Variants in JAK1 observed in about 807,000 individuals in gnomAD.
JAK1 encodes Janus kinase 1, also known as tyrosine-protein kinase JAK1.
A neutral mutation model predicts 136.6 loss-of-function variants in JAK1; 16 were observed. The ratio of observed to expected loss-of-function variants is 0.12; its 90% confidence interval spans 0.08 to 0.18. JAK1 has a LOEUF of 0.18. JAK1 is among the 10% of genes least tolerant of loss of function. JAK1 has a pLI of 1.00. For synonymous variants in JAK1, 492 were observed against 519.5 expected, an observed-to-expected ratio of 0.95 and a Z score of 0.72; for missense variants, 859 against 1,450.1, an observed-to-expected ratio of 0.59 and a Z score of 6.62.
Position 64,866,856 on chromosome 1 carries a change from A to C in JAK1, c.990+10T>G. The C allele has an allele frequency of 6.3e-7, 1 of 1,593,356 alleles. No individual in the cohort carries two copies. The highest frequency in any genetic ancestry group is 1.3e-5 in the African/African-American group (1 of 74,566). On this transcript the variant is annotated intron_variant, in intron 7 of 24. Transcript: ENST00000342505. ...ATGTTCTCTTTGATCGACTGCCAACAGCCACTTACATTTGGTTTATGCCTC... is the reference window on the plus strand; with the variant it reads ...ATGTTCTCTTTGATCGACTGCCAACCGCCACTTACATTTGGTTTATGCCTC...
chr1:65,021,516 C>T (rs1359864199), intron 2 of JAK1, among the ~76,000 whole-genome samples: 3 of 152,080 alleles, frequency 2.0e-5, no homozygotes, highest in South Asian at 2.1e-4. Flanking sequence ...ACCCAAACTT[C>T]GTTGCGTGTA....
chr1:64,928,072 G>A (rs1190303350), intron 1 of JAK1, among the ~76,000 whole-genome samples: 1 of 152,170 alleles, frequency 6.6e-6, no homozygotes, highest in Non-Finnish European at 1.5e-5. Flanking sequence ...TCTACCATGG[G>A]AGTTTAATGG....
At chr1:64,867,250 G>T (rs777804917) in intron 6 of JAK1, 42 bp from the exon 7 acceptor site, 3 of 1,396,746 alleles carry the variant, frequency 2.1e-6, no homozygotes, top group Non-Finnish European at 2.9e-6. Flanking sequence ...TCATGTACAG[G>T]TTAGGAGAAA....
At chr1:65,039,145 A>C (rs773823664) in intron 2 of JAK1, among the ~76,000 whole-genome samples, 2 of 152,322 alleles carry the variant, frequency 1.3e-5, no homozygotes, top group South Asian at 4.1e-4. Context: ...TTGAGATAAT[A>C]GATGGGAAAG....
intron 1 of JAK1, among the ~76,000 whole-genome samples, chr1:64,951,643 T>G (rs1646088925): frequency 7.0e-6 from 1 of 143,522 alleles, no homozygotes; most frequent in Non-Finnish European, 1.5e-5. Context: ...TATAAACAAG[T>G]TCTGCCTTTT....
intron 2 of JAK1, among the ~76,000 whole-genome samples, chr1:65,010,905 G>T (rs1050333525): frequency 6.6e-6 from 1 of 152,098 alleles, no homozygotes; most frequent in Admixed American, 6.6e-5. Flanking sequence ...CCACTTCAAG[G>T]CCATCCAGCC....
chr1:64,932,470 C>T (rs1014104195), intron 1 of JAK1, among the ~76,000 whole-genome samples: 1 of 151,906 alleles, frequency 6.6e-6, no homozygotes, highest in African/African-American at 2.4e-5. Flanking sequence ...AGTAATTAAC[C>T]AAAGGTAATC....
chr1:64,940,984 G>A (rs1021328013), intron 1 of JAK1, among the ~76,000 whole-genome samples: 1 of 152,010 alleles, frequency 6.6e-6, no homozygotes, highest in Admixed American at 6.6e-5. Flanking sequence ...GAGCAACATG[G>A]CAAAACCCTG....
intron 2 of JAK1, among the ~76,000 whole-genome samples, chr1:64,982,594 G>C (rs1387013144): frequency 6.6e-6 from 1 of 152,186 alleles, no homozygotes; most frequent in Admixed American, 6.6e-5. Context: ...ACTCTCCCCA[G>C]TCCCTTAATG....
rs909577767 is a variant in JAK1 at position 64,845,506 on chromosome 1, T to C, written c.2115+7A>G. ...TGGGACCATTATGGACATCAGGACATTCTCACCAAGTAGCTCAGGGCACTG... is the reference window on the plus strand; with the variant it reads ...TGGGACCATTATGGACATCAGGACACTCTCACCAAGTAGCTCAGGGCACTG... On this transcript the variant is annotated splice_region_variant and intron_variant, in intron 15 of 24. Transcript: ENST00000342505. The C allele has an allele frequency of 3.1e-6, 5 of 1,613,988 alleles. No homozygotes were observed. The highest frequency in any genetic ancestry group is 2.2e-5 in the South Asian group (2 of 91,086).
intron 2 of JAK1, among the ~76,000 whole-genome samples, chr1:65,031,561 A>C (rs1234340497): frequency 6.6e-6 from 1 of 152,210 alleles, no homozygotes; most frequent in Non-Finnish European, 1.5e-5. Context: ...AAACAACTAC[A>C]AAAAGACATT....
At chr1:65,023,790 C>G (rs898086119) in intron 2 of JAK1, among the ~76,000 whole-genome samples, 3 of 152,054 alleles carry the variant, frequency 2.0e-5, no homozygotes, top group East Asian at 3.9e-4. Context: ...GCTGAGGGAA[C>G]CACTTTCTAA....
At chr1:65,033,232 C>A (rs1647038776) in intron 2 of JAK1, among the ~76,000 whole-genome samples, 1 of 152,206 alleles carries the variant, frequency 6.6e-6, no homozygotes, top group African/African-American at 2.4e-5. Flanking sequence ...GCTCTCACTG[C>A]AGCCTCTAAC....
At chr1:65,033,630 G>C (rs977386611) in intron 2 of JAK1, among the ~76,000 whole-genome samples, 1 of 150,208 alleles carries the variant, frequency 6.7e-6, no homozygotes. Context: ...GCTCATGCCT[G>C]TAATCCCAGT....
In JAK1 at chr1:64,931,265, C is replaced by T. The variant is rs889173720; in HGVS notation, c.-78+35068G>A. On this transcript the variant is annotated intron_variant, in intron 1 of 24. Transcript: ENST00000342505. ...CTGGATTCCCTCAAAGTCCTCTTCA[C>T]GTTCTAATATTCAGAGGAAGCAAAT... Among the ~76,000 whole-genome samples, 5 of 152,106 alleles carry T rather than the reference C, an allele frequency of 3.3e-5. No individual in the cohort carries two copies. The South Asian group carries it at 1.0e-3, about 31-fold the overall frequency.
chr1:64,893,643 C>A (rs946748890), intron 1 of JAK1, among the ~76,000 whole-genome samples: 3 of 152,012 alleles, frequency 2.0e-5, no homozygotes, highest in African/African-American at 7.3e-5. Flanking sequence ...ATGCTCACAC[C>A]CATTAGGAAA....
intron 4 of JAK1, among the ~76,000 whole-genome samples, chr1:64,878,423 A>C (rs1481420814): frequency 6.6e-6 from 1 of 152,108 alleles, no homozygotes; most frequent in Non-Finnish European, 1.5e-5. Flanking sequence ...CTCAAGGAGT[A>C]GTCAAAACAT....
chr1:65,064,293 T>C (rs1220797828), intron 1 of JAK1, among the ~76,000 whole-genome samples: 3 of 152,232 alleles, frequency 2.0e-5, no homozygotes, highest in East Asian at 1.9e-4. Flanking sequence ...AGGTGGTTAA[T>C]AGCCACGTGG....
intron 2 of JAK1, chr1:65,004,129 C>A (rs1646785151): frequency 6.6e-6 from 1 of 152,116 alleles, no homozygotes; most frequent in South Asian, 2.1e-4. Context: ...TTAGTAGAGA[C>A]GGGGTTTCAC....
Sources: allele counts gnomAD v4.1 joint callset (sites outside exome capture counted in the v4.1 genomes callset), GRCh38; gene constraint gnomAD v4.1.1; transcripts MANE v1.5; gene names NCBI Gene and HGNC (gene_info 2026-07-23, HGNC 2026-07-21).